Variants in NRXN3 observed in about 807,000 individuals in gnomAD.
The protein encoded by NRXN3 is neurexin III.
In NRXN3, 32 loss-of-function variants were observed where a neutral mutation model predicts 137.6. The ratio of observed to expected loss-of-function variants is 0.23; its 90% confidence interval spans 0.18 to 0.31. NRXN3 has a LOEUF of 0.31. NRXN3 is among the 10% of genes least tolerant of loss of function. The pLI, the probability that NRXN3 is intolerant of heterozygous loss-of-function variation, is 1.00. For synonymous variants in NRXN3, 798 were observed against 784.5 expected (o/e 1.02, Z -0.29); for missense variants, 1,574 against 2,062.5 (o/e 0.76, Z 4.59).
chr14:78,740,583 C>T (rs1278301097), intron 8 of NRXN3, among the ~76,000 whole-genome samples: 2 of 151,142 alleles, frequency 1.3e-5, no homozygotes, highest in Non-Finnish European at 2.9e-5. Flanking sequence ...AACCCTGCAC[C>T]ACTGCCCTCC....
intron 10 of NRXN3, among the ~76,000 whole-genome samples, chr14:78,852,051 G>T (rs1213735821): frequency 1.3e-5 from 2 of 152,024 alleles, no homozygotes; most frequent in Non-Finnish European, 2.9e-5. Flanking sequence ...AATAAATAGG[G>T]CAGCCATAGT....
intron 15 of NRXN3, among the ~76,000 whole-genome samples, chr14:79,278,767 C>T (rs868609102): frequency 3.3e-5 from 5 of 152,206 alleles, no homozygotes; most frequent in East Asian, 1.9e-4. Flanking sequence ...CAGGCCACCG[C>T]TCCACCTTCA....
intron 4 of NRXN3, among the ~76,000 whole-genome samples, chr14:78,413,045 A>C (rs1302402517): frequency 6.6e-6 from 1 of 152,224 alleles, no homozygotes; most frequent in African/African-American, 2.4e-5. Context: ...CTTTGCTTGA[A>C]GGCATCAAGA....
chr14:78,985,449 A>C (rs1029786381), intron 14 of NRXN3, among the ~76,000 whole-genome samples: 1 of 152,232 alleles, frequency 6.6e-6, no homozygotes, highest in African/African-American at 2.4e-5. Context: ...GCAGATAATA[A>C]TTGCTATGGC....
At chr14:79,216,157 G>T (rs553166149) in intron 15 of NRXN3, among the ~76,000 whole-genome samples, 8 of 152,222 alleles carry the variant, frequency 5.3e-5, no homozygotes, top group East Asian at 3.9e-4. Flanking sequence ...CTTTATTCAC[G>T]TGTCTGTGTC....
At chr14:78,673,753 T>C (rs1264311258) in intron 6 of NRXN3, among the ~76,000 whole-genome samples, 1 of 152,126 alleles carries the variant, frequency 6.6e-6, no homozygotes, top group Non-Finnish European at 1.5e-5. Context: ...TCATGAGGGC[T>C]CCTACTCATG....
intron 10 of NRXN3, among the ~76,000 whole-genome samples, chr14:78,848,843 T>C (rs2099034940): frequency 6.6e-6 from 1 of 151,506 alleles, no homozygotes; most frequent in East Asian, 1.9e-4. Flanking sequence ...CTGGGAGGAG[T>C]TGCTGGAAGT....
chr14:78,681,808 G>A (rs529363278), intron 6 of NRXN3, among the ~76,000 whole-genome samples: 27 of 152,184 alleles, frequency 1.8e-4, no homozygotes, highest in Admixed American at 1.2e-3. Flanking sequence ...GAAAAGACAC[G>A]TAGAAGATCA....
chr14:79,039,455 G>C (rs760496080), intron 15 of NRXN3, among the ~76,000 whole-genome samples: 4 of 151,984 alleles, frequency 2.6e-5, no homozygotes, highest in African/African-American at 9.7e-5. Context: ...GAGAATAAGA[G>C]AGATTAGGAA....
At chr14:79,402,572 C>T (rs751292673) in intron 15 of NRXN3, among the ~76,000 whole-genome samples, 3 of 152,184 alleles carry the variant, frequency 2.0e-5, no homozygotes, top group South Asian at 2.1e-4. Flanking sequence ...CAATTTTACA[C>T]CAGGCCCAGA....
At chr14:78,710,584 C>T (rs1194085426) in intron 7 of NRXN3, among the ~76,000 whole-genome samples, 1 of 152,136 alleles carries the variant, frequency 6.6e-6, no homozygotes, top group African/African-American at 2.4e-5. Flanking sequence ...GCTTCATGTG[C>T]CATATTTATA....
intron 15 of NRXN3, among the ~76,000 whole-genome samples, chr14:79,327,043 T>C (rs2090991201): frequency 6.6e-6 from 1 of 152,212 alleles, no homozygotes; most frequent in African/African-American, 2.4e-5. Context: ...CTTGCTTTTC[T>C]TCTTAATCTT....
chr14:78,997,788 G>T (rs974648863), intron 15 of NRXN3, among the ~76,000 whole-genome samples: 1 of 152,136 alleles, frequency 6.6e-6, no homozygotes, highest in Non-Finnish European at 1.5e-5. Flanking sequence ...AACTTTTCTT[G>T]TTCCCTTTCC....
chr14:79,173,515 A>G (rs1029220712), intron 15 of NRXN3, among the ~76,000 whole-genome samples: 1 of 136,952 alleles, frequency 7.3e-6, no homozygotes, highest in Admixed American at 8.0e-5. Flanking sequence ...TAGGTGACAG[A>G]GCAAGACCTT....
rs778081071 is a variant in NRXN3 at position 78,967,271 on chromosome 14, C to A, written c.2841C>A (p.Arg947=). The A allele has an allele frequency of 8.1e-6, 13 of 1,613,824 alleles. No individual in the cohort carries two copies. Among genetic ancestry groups the A allele is most frequent in the Non-Finnish European group, 1.1e-5 (13 of 1,179,950 alleles). ...ATGTGATCAAAGGCAACAGTGACCG[C>A]CCCCTGAATGACAACCAGTGGCACA... is the stretch of plus-strand genomic sequence containing the variant. ...GPNVIKGNSD[R]PLNDNQWHNV... The change falls in exon 13 of 21, where the codon CGC becomes CGA. Residue 947 remains arginine, a synonymous_variant. Transcript: ENST00000335750.
chr14:79,555,580 A>T (rs937806639), intron 16 of NRXN3, among the ~76,000 whole-genome samples: 1 of 152,140 alleles, frequency 6.6e-6, no homozygotes, highest in Admixed American at 6.6e-5. Context: ...AGAGAGCAGA[A>T]CCATTTGCTT....
At chr14:79,342,834 G>A (rs951264377) in intron 15 of NRXN3, among the ~76,000 whole-genome samples, 5 of 152,154 alleles carry the variant, frequency 3.3e-5, no homozygotes, top group African/African-American at 9.7e-5. Context: ...TCAAGACAGG[G>A]GAATTGCAAT....
At chr14:79,590,810 G>T (rs1424579524) in intron 16 of NRXN3, among the ~76,000 whole-genome samples, 1 of 152,174 alleles carries the variant, frequency 6.6e-6, no homozygotes, top group Non-Finnish European at 1.5e-5. Context: ...TTGCTATGGA[G>T]TATCACCTGG....
At chr14:78,491,081 G>A (rs2095657547) in intron 4 of NRXN3, among the ~76,000 whole-genome samples, 1 of 152,132 alleles carries the variant, frequency 6.6e-6, no homozygotes, top group Non-Finnish European at 1.5e-5. Context: ...GGTCCCCTTG[G>A]ACCTGCTGCT....
Sources: gnomAD v4.1 joint callset for allele counts (sites outside exome capture counted in the v4.1 genomes callset) on GRCh38, gnomAD v4.1.1 for gene constraint, MANE v1.5 for transcripts, NCBI Gene and HGNC (gene_info 2026-07-23, HGNC 2026-07-21) for gene names.